Variants in SLAMF1 observed in about 807,000 individuals in gnomAD.
SLAMF1 encodes signaling lymphocytic activation molecule family member 1.
A neutral mutation model predicts 35.1 loss-of-function variants in SLAMF1; 18 were observed. The observed-to-expected ratio is 0.51, with a 90% CI of 0.35 to 0.76. SLAMF1 has a LOEUF of 0.76. Among genes scored for constraint, SLAMF1 ranks in the 30% least tolerant of loss-of-function variants. The probability of loss-of-function intolerance (pLI) is 0.01; values close to 1 mark genes in which losing one functional copy is unlikely to be tolerated. For missense variants in SLAMF1, 392 were observed against 413.0 expected (o/e 0.95, Z 0.44); for synonymous variants, 168 against 157.2 (o/e 1.07, Z -0.51).
chr1:160,645,035 G>A (rs1424484511), intron 1 of SLAMF1, among the ~76,000 whole-genome samples: 1 of 152,192 alleles, frequency 6.6e-6, no homozygotes, highest in Non-Finnish European at 1.5e-5. Flanking sequence ...TGTTCTTTCT[G>A]CCCAACTTTG....
chr1:160,627,528 C>T (rs1659944060), intron 3 of SLAMF1, among the ~76,000 whole-genome samples: 1 of 152,162 alleles, frequency 6.6e-6, no homozygotes, highest in Admixed American at 6.5e-5. Context: ...GGCTTAGTTT[C>T]CCTACCTGTA....
rs907498392 is a variant in SLAMF1, at chr1:160,629,135, T to A, written c.701-4950A>T. ...CGAGCAGGCTGGTCAATAACTCACATGCCATTTGGGAAGAGTGCTTTGCTC... is the reference window on the plus strand; with the variant it reads ...CGAGCAGGCTGGTCAATAACTCACAAGCCATTTGGGAAGAGTGCTTTGCTC... On this transcript the variant is annotated intron_variant, in intron 3 of 6. Transcript: ENST00000302035. 9.2e-5 allele frequency among the ~76,000 whole-genome samples: 14 copies of A among 152,310 alleles called. No individual in the cohort carries two copies. In the East Asian group the frequency reaches 9.6e-4, roughly 10 times the overall value.
intron 3 of SLAMF1, among the ~76,000 whole-genome samples, chr1:160,630,213 A>G (rs911451833): frequency 2.6e-5 from 4 of 152,214 alleles, no homozygotes; most frequent in African/African-American, 9.6e-5. Context: ...CTGGCTTCAC[A>G]TGACCTAGCC....
At chr1:160,631,640 G>A (rs1252920222) in intron 3 of SLAMF1, among the ~76,000 whole-genome samples, 2 of 152,062 alleles carry the variant, frequency 1.3e-5, no homozygotes, top group East Asian at 1.9e-4. Context: ...AGGAAATCTG[G>A]ACACACAAAG....
intron 4 of SLAMF1, among the ~76,000 whole-genome samples, chr1:160,620,839 A>T (rs1196747861): frequency 6.6e-6 from 1 of 152,264 alleles, no homozygotes; most frequent in Non-Finnish European, 1.5e-5. Context: ...GAGCACCTGA[A>T]CTGTGACTAA....
At chr1:160,612,356 A>T (rs919587569) in intron 6 of SLAMF1, 132 bp downstream of exon 6, 54 of 588,044 alleles carry the variant, frequency 9.2e-5, no homozygotes, top group East Asian at 7.9e-4. Flanking sequence ...TCACCTAGGT[A>T]TGAAGCCTAG....
chr1:160,635,031 A>C, intron 2 of SLAMF1, 134 bp from the exon 3 acceptor site: 2 of 727,990 alleles, frequency 2.7e-6, no homozygotes, highest in East Asian at 5.4e-5. Context: ...TCTAGTGGGG[A>C]ATCTATTGCT....
At position 160,626,798 on chromosome 1, in the gene SLAMF1, A is replaced by T. The variant is rs116239632; in HGVS notation, c.701-2613T>A. Among the ~76,000 whole-genome samples the T allele has an allele frequency of 2.3e-3, 344 of 152,144 alleles. 1 individual carries two copies. The highest frequency in any genetic ancestry group is 8.1e-3 in the African/African-American group (336 of 41,510). On this transcript the variant is annotated intron_variant, in intron 3 of 6. Coordinates refer to ENST00000302035, the MANE Select transcript of SLAMF1 (RefSeq NM_003037.5). ...CAAAAGCCCTCTGAGCAGCCAACCCATCCTTCATCATCCTCCATCCAACAC... is the reference window on the plus strand; with the variant it reads ...CAAAAGCCCTCTGAGCAGCCAACCCTTCCTTCATCATCCTCCATCCAACAC...
Position 160,612,477 on chromosome 1 carries a change from A to T in SLAMF1, c.957+11T>A. The stretch of plus-strand genomic sequence containing the variant: ...CCCTCTCTACGGAGAGTAGGCAGAG[A>T]GATGCCTCACCTGGACAGACTCTGG... On this transcript the variant is annotated intron_variant, in intron 6 of 6. Transcript: ENST00000302035. 6.4e-7 allele frequency: 1 copy of T among 1,571,636 alleles called. No individual in the cohort carries two copies.
At chr1:160,619,682 T>G (rs915770521) in intron 5 of SLAMF1, 94 bp downstream of exon 5, 1 of 845,840 alleles carries the variant, frequency 1.2e-6, no homozygotes, top group Non-Finnish European at 2.1e-6. Flanking sequence ...CTGCTCTGGA[T>G]GGAAAACTGT....
At chr1:160,617,488 C>T (rs2102225) in intron 5 of SLAMF1, among the ~76,000 whole-genome samples, 54,446 of 151,604 alleles carry the variant, frequency 0.36, 12,170 homozygotes, top group East Asian at 0.65. Context: ...TTCTATGAAG[C>T]AATGAAAAAG....
In SLAMF1 at chr1:160,642,718, G is replaced by A. The variant is rs1049073366; in HGVS notation, c.76+4152C>T. 2.0e-5 allele frequency among the ~76,000 whole-genome samples: 3 copies of A among 152,192 alleles called. No individual in the cohort carries two copies. The highest frequency in any genetic ancestry group is 6.5e-5 in the Admixed American group (1 of 15,274). On this transcript the variant is annotated intron_variant, in intron 1 of 6. Coordinates refer to ENST00000302035, the MANE Select transcript of SLAMF1 (RefSeq NM_003037.5). The surrounding 1 kb of genome is among the most constrained non-coding windows in gnomAD (Gnocchi z 4.2). ...TTTGCCTTTATAGTATCCCTAAGAG[G>A]TATATTATGGAAGAAAGTGGTGGGG...
Position 160,646,919 on chromosome 1 carries a change from C to A in SLAMF1, c.27G>T (p.Leu9Phe). 1 of 1,606,434 alleles carries A rather than the reference C, an allele frequency of 6.2e-7. No individual in the cohort carries two copies. The highest frequency in any genetic ancestry group is 1.1e-5 in the South Asian group (1 of 90,768). ...CCAGGGAGAGAAACAGCACGAAGGTCAAGGAGAGGAGCCCCTTGGGATCCA... is the reference window on the plus strand; with the variant it reads ...CCAGGGAGAGAAACAGCACGAAGGTAAAGGAGAGGAGCCCCTTGGGATCCA... MDPKGLLS[L>F]TFVLFLSLAF... The change falls in exon 1 of 7, where the codon TTG becomes TTT. Residue 9 changes from leucine to phenylalanine, a missense_variant. Transcript: ENST00000302035.
At chr1:160,616,948 G>A (rs781344962) in intron 5 of SLAMF1, among the ~76,000 whole-genome samples, 3 of 152,054 alleles carry the variant, frequency 2.0e-5, no homozygotes, top group Non-Finnish European at 4.4e-5. Context: ...CTGAGATCAG[G>A]AGTTCGAGAC....
At chr1:160,643,039 T>C (rs1348894183) in intron 1 of SLAMF1, among the ~76,000 whole-genome samples, 1 of 21,016 alleles carries the variant, frequency 4.8e-5, no homozygotes, top group Non-Finnish European at 4.1e-3. Flanking sequence ...AGTAAATGCT[T>C]TGGCCCCCCA....
At chr1:160,620,001 C>T (rs1163874920) in intron 4 of SLAMF1, 152 bp from the exon 5 acceptor site, 4 of 663,194 alleles carry the variant, frequency 6.0e-6, no homozygotes, top group African/African-American at 1.8e-5. Context: ...GCACATTTGT[C>T]ATATTGTCTT....
At chr1:160,627,859 G>A (rs2102312858) in intron 3 of SLAMF1, among the ~76,000 whole-genome samples, 1 of 152,236 alleles carries the variant, frequency 6.6e-6, no homozygotes, top group South Asian at 2.1e-4. Context: ...ACCTTGAATT[G>A]TAATAATCCC....
At chr1:160,637,084 AG>A (rs1660489539) in intron 2 of SLAMF1, 106 bp downstream of exon 2, 12 of 711,080 alleles carry the variant, frequency 1.7e-5, no homozygotes, top group Non-Finnish European at 2.7e-5. Context: ...AGATCATTCT[AG>A]TTACTTCCAA....
chr1:160,619,170 A>C (rs1261743840), intron 5 of SLAMF1, among the ~76,000 whole-genome samples: 1 of 152,186 alleles, frequency 6.6e-6, no homozygotes, highest in Admixed American at 6.5e-5. Context: ...TCTACATCTA[A>C]CCACGATCCT....
Sources: gnomAD v4.1 joint callset for allele counts (sites outside exome capture counted in the v4.1 genomes callset) on GRCh38, gnomAD v4.1.1 for gene constraint, Gnocchi (gnomAD v3.1) non-coding constraint, MANE v1.5 for transcripts, NCBI Gene and HGNC (gene_info 2026-07-23, HGNC 2026-07-21) for gene names.